Variants in SCN1A observed in about 807,000 individuals in gnomAD.
SCN1A encodes the protein sodium voltage-gated channel alpha subunit 1.
Under a neutral mutation model 193.7 loss-of-function variants are expected in SCN1A, and 13 were observed. The observed-to-expected ratio is 0.07, with a 90% confidence interval of 0.04 to 0.11. SCN1A has a LOEUF of 0.11. Among genes scored for constraint, SCN1A ranks in the 10% least tolerant of loss-of-function variants. The pLI, the probability that SCN1A is intolerant of heterozygous loss-of-function variation, is 1.00. For synonymous variants in SCN1A, 781 were observed against 843.6 expected (o/e 0.93, Z 1.29); for missense variants, 1,432 against 2,451.1 (o/e 0.58, Z 8.78).
chr2:166,037,741 T>G, intron 18 of SCN1A, 35 bp downstream of exon 18: 3 of 1,596,298 alleles, frequency 1.9e-6, no homozygotes, highest in Non-Finnish European at 2.6e-6. Context: ...CATGCTGGTG[T>G]ATTTCCAAAA....
At chr2:166,065,471 A>T (rs560957945) in intron 4 of SCN1A, among the ~76,000 whole-genome samples, 2 of 152,248 alleles carry the variant, frequency 1.3e-5, no homozygotes, top group South Asian at 4.1e-4. Flanking sequence ...GGTCTCACCT[A>T]CTTCCCTTCT....
At chr2:166,052,093 T>G in intron 8 of SCN1A, 105 bp from the exon 9 acceptor site, 2 of 1,070,552 alleles carry the variant, frequency 1.9e-6, no homozygotes, top group East Asian at 4.9e-5. Context: ...AATCCAAGAA[T>G]GTTTGCAACG....
chr2:166,015,922 A>C (rs1052147389), intron 19 of SCN1A, 195 bp from the exon 20 acceptor site: 1 of 601,506 alleles, frequency 1.7e-6, no homozygotes, highest in Non-Finnish European at 2.8e-6. Flanking sequence ...CATAATTCAC[A>C]ATGTAAGCTT....
Position 166,041,483 on chromosome 2 carries a change from A to AC in SCN1A, c.2177-15_2177-14insG. On this transcript the variant is annotated splice_polypyrimidine_tract_variant and intron_variant, in intron 15 of 28. Transcript: ENST00000674923. Reference sequence around the variant, plus strand: ...ATTCTTCAAGTTCTAGATTAAGAAAAAAAAAAAAAAGAACCACCAAAAGGT... The same window carrying AC: ...ATTCTTCAAGTTCTAGATTAAGAAAACAAAAAAAAAAGAACCACCAAAAGGT... The AC allele has an allele frequency of 6.8e-7, 1 of 1,473,540 alleles. No individual in the cohort carries two copies. The highest frequency in any genetic ancestry group is 9.4e-7 in the Non-Finnish European group (1 of 1,067,972). 91.3% of individuals were successfully genotyped at this position (1,473,540 alleles called of 1,614,324 possible). A position where few individuals can be genotyped will look rare whatever the true frequency, so the allele number is the denominator to read the frequency against.
At position 166,043,798 on chromosome 2, in the gene SCN1A, A is replaced by T. The variant is rs1276437515; in HGVS notation, c.1914T>A (p.Asn638Lys). The T allele has an allele frequency of 6.2e-7, 1 of 1,614,182 alleles. No individual in the cohort carries two copies. Among genetic ancestry groups the T allele is most frequent in the South Asian group, 1.1e-5 (1 of 91,088 alleles). ...AATCCACAGTGCTGTGCATCTTCCC[A>T]TTCGCTGGAAACACTGCCAGCATCC... ...SSRMLAVFPA[N>K]GKMHSTVDCN... Residue 638 changes from asparagine (N) to lysine (K), a missense_variant, in exon 14 of 29, where the codon AAT (asparagine) becomes AAA (lysine). By Grantham distance (94) the Asn-to-Lys change is moderately conservative. Around this residue, in one of 18 missense-constraint regions of SCN1A, gnomAD observed 316 missense variants for 362.1 expected, o/e 0.87. Transcript: ENST00000674923.
chr2:166,145,398 T>C (rs1692281261), intron 1 of SCN1A, among the ~76,000 whole-genome samples: 1 of 152,200 alleles, frequency 6.6e-6, no homozygotes, highest in Non-Finnish European at 1.5e-5. Context: ...TGAGGTATTA[T>C]TATTTTAACA....
At chr2:166,132,235 A>G (rs1427875486), upstream of SCN1A, among the ~76,000 whole-genome samples, 1 of 152,214 alleles carries the variant, frequency 6.6e-6, no homozygotes, top group African/African-American at 2.4e-5. Flanking sequence ...TTTTAGATCT[A>G]CAGGACCACT....
At position 166,036,089 on chromosome 2, in the gene SCN1A, C is replaced by T; in HGVS notation, c.3388G>A (p.Glu1130Lys). 4 of 1,613,862 alleles carry T rather than the reference C, an allele frequency of 2.5e-6. No individual in the cohort carries two copies. Among genetic ancestry groups the T allele is most frequent in the Non-Finnish European group, 3.4e-6 (4 of 1,179,902 alleles). The change falls in exon 19 of 29, where the codon GAA becomes AAA. Residue 1130 changes from glutamate (E) to lysine (K), a missense_variant. Physicochemically the swap from Glu to Lys is moderately conservative, Grantham distance 56. Transcript: ENST00000674923. ...GESDFENLNT[E>K]DFSSESDLEE... ...AGATCCGATTCACTACTAAAGTCTT[C>T]CGTGTTTAAATTTTCAAAGTCAGAT...
chr2:166,084,032 C>T (rs879100765), intron 2 of SCN1A, among the ~76,000 whole-genome samples: 2 of 152,024 alleles, frequency 1.3e-5, no homozygotes, highest in Admixed American at 1.3e-4. Flanking sequence ...GCACTTAAAG[C>T]CCAGTGTGGG....
In SCN1A at chr2:166,119,176, G is replaced by A. The variant is rs181514619; in HGVS notation, c.-142+7748C>T. Among the ~76,000 whole-genome samples, 156 of 152,244 alleles carry A rather than the reference G, an allele frequency of 1.0e-3. 2 individuals are homozygous for A. The East Asian group carries it at 0.025, about 24-fold the overall frequency. On this transcript the variant is annotated intron_variant, in intron 2 of 28. Coordinates refer to ENST00000674923, the MANE Select transcript of SCN1A (RefSeq NM_001165963.4). The stretch of plus-strand genomic sequence containing the variant: ...ACAGGCCAGGGACCAGTACTGGTCC[G>A]TGGCCCAGGGTTTGGGGACCCTTAA...
At chr2:166,046,107 C>T (rs1243448374) in intron 12 of SCN1A, among the ~76,000 whole-genome samples, 1 of 152,144 alleles carries the variant, frequency 6.6e-6, no homozygotes, top group Admixed American at 6.6e-5. Context: ...ATTTCTGAAA[C>T]AACTTTCTTC....
intron 2 of SCN1A, among the ~76,000 whole-genome samples, chr2:166,087,361 G>C (rs1216153103): frequency 6.6e-6 from 1 of 152,116 alleles, no homozygotes; most frequent in Admixed American, 6.6e-5. Context: ...AGCTACTTGG[G>C]AGGATGAGGC....
In SCN1A at chr2:166,141,578, T is replaced by A. The variant is rs114756703; in HGVS notation, c.-50+7469A>T. 7.2e-3 allele frequency among the ~76,000 whole-genome samples: 1,103 copies of A among 152,242 alleles called. 11 individuals carry two copies. The highest frequency in any genetic ancestry group is 0.025 in the African/African-American group (1,030 of 41,566). ...AAACATCACACAATATATATGGCTG[T>A]AAACCTAGTTTAAGTTACATAATTT... On this transcript the variant is annotated intron_variant, in intron 1 of 26. Coordinates refer to the SCN1A transcript ENST00000635750.
chr2:166,012,399 G>C (rs368243224), intron 21 of SCN1A, 117 bp from the exon 22 acceptor site: 11 of 775,132 alleles, frequency 1.4e-5, no homozygotes, highest in South Asian at 1.3e-4. Flanking sequence ...CAGAGAAACA[G>C]TAGTTACTGT....
At chr2:166,139,948 A>G (rs374441667) in intron 1 of SCN1A, among the ~76,000 whole-genome samples, 2 of 152,202 alleles carry the variant, frequency 1.3e-5, no homozygotes, top group East Asian at 3.8e-4. Context: ...TACTATTTTT[A>G]GATAAATTCT....
intron 2 of SCN1A, among the ~76,000 whole-genome samples, chr2:166,097,655 C>T (rs1167184531): frequency 1.3e-5 from 2 of 152,176 alleles, no homozygotes; most frequent in Admixed American, 1.3e-4. Flanking sequence ...GATCATAGCT[C>T]ACTGCAGCCT....
At chr2:166,025,034 T>C (rs976344027) in intron 19 of SCN1A, among the ~76,000 whole-genome samples, 5 of 152,228 alleles carry the variant, frequency 3.3e-5, no homozygotes, top group African/African-American at 1.2e-4. Context: ...CATTTGAGTT[T>C]TCCTAACAAG....
chr2:166,136,423 C>CATATAT (rs61451614), intron 1 of SCN1A, among the ~76,000 whole-genome samples: 1 of 151,170 alleles, frequency 6.6e-6, no homozygotes, highest in African/African-American at 2.4e-5. Context: ...CATATATATG[C>CATATAT]ATATATATAT....
chr2:166,128,043 G>T (rs1691452303), upstream of SCN1A: 1 of 75,124 alleles, frequency 1.3e-5, no homozygotes, highest in Non-Finnish European at 2.5e-5. Flanking sequence ...TCAGCAAATA[G>T]CTTGTTTCAA....
Sources: gnomAD v4.1 joint callset for allele counts (sites outside exome capture counted in the v4.1 genomes callset) on GRCh38, gnomAD v4.1.1 for gene constraint, gnomAD v4.1.1 regional missense constraint, MANE v1.5 for transcripts, NCBI Gene and HGNC (gene_info 2026-07-23, HGNC 2026-07-21) for gene names.